The following ITGB3 variants were observed in gnomAD, a reference collection of about 807,000 sequenced individuals.
The protein encoded by ITGB3 is integrin beta-3.
Under a neutral mutation model 85.8 loss-of-function variants are expected in ITGB3, and 48 were observed. That is an observed-to-expected ratio of 0.56 (90% CI 0.44 to 0.71). The LOEUF is 0.71. ITGB3 is among the 30% of genes least tolerant of loss of function. The pLI is 0.00. For synonymous variants in ITGB3, 363 were observed against 395.6 expected, an observed-to-expected ratio of 0.92 and a Z score of 0.98; for missense variants, 861 against 1,019.1, an observed-to-expected ratio of 0.84 and a Z score of 2.11.
chr17:47,268,724 C>CA (rs1215067800), intron 1 of ITGB3, among the ~76,000 whole-genome samples: 1 of 152,208 alleles, frequency 6.6e-6, no homozygotes, highest in Non-Finnish European at 1.5e-5. Flanking sequence ...GTGGCTTTTC[C>CA]AGGCACATGG....
rs562902402 is a variant in ITGB3, at chr17:47,278,595, A to G, written c.165+4091A>G. Among the ~76,000 whole-genome samples the G allele has an allele frequency of 1.6e-3, 235 of 149,928 alleles. 1 individual carries two copies. The South Asian group carries it at 0.025, about 16-fold the overall frequency. ...CGAAACTCCATCTAAAAAAAAAAAA[A>G]GAGTCACTTATATTTGCATTTATTT... On this transcript the variant is annotated intron_variant, in intron 2 of 14. Coordinates refer to ENST00000559488, the MANE Select transcript of ITGB3 (RefSeq NM_000212.3).
intron 1 of ITGB3, among the ~76,000 whole-genome samples, chr17:47,273,824 C>T (rs2065053610): frequency 6.6e-6 from 1 of 152,228 alleles, no homozygotes; most frequent in Non-Finnish European, 1.5e-5. Context: ...TTCTGCACTT[C>T]CTCCTAGAGC....
At chr17:47,310,051 G>C (rs1473251008) in intron 14 of ITGB3, 88 bp from the exon 15 acceptor site, 16 of 1,173,020 alleles carry the variant, frequency 1.4e-5, no homozygotes, top group Non-Finnish European at 2.0e-5. Context: ...CGGTGCCTTG[G>C]GAAAACTTCT....
chr17:47,308,691 G>A (rs1385615069), intron 14 of ITGB3, among the ~76,000 whole-genome samples: 1 of 152,016 alleles, frequency 6.6e-6, no homozygotes, highest in Admixed American at 6.6e-5. Context: ...TAGTAGCGAC[G>A]GGGTTTCACC....
At position 47,299,476 on chromosome 17, in the gene ITGB3, A is replaced by G; in HGVS notation, c.1859A>G (p.Tyr620Cys). ...GSCVCIQPGS[Y>C]GDTCEKCPTC... ...TGTGTCTGTATCCAGCCGGGCTCCT[A>G]TGGGGACACCTGTGAGAAGTGCCCC... The change falls in exon 11 of 15, where the codon TAT becomes TGT. Residue 620 changes from tyrosine to cysteine, a missense_variant. Physicochemically the swap from Tyr to Cys is radical, Grantham distance 194 (BLOSUM62 -2). Transcript: ENST00000559488. The surrounding 1 kb of genome is among the most constrained non-coding windows in gnomAD (Gnocchi z 5.1). 2 of 1,614,210 alleles carry G rather than the reference A, an allele frequency of 1.2e-6. No homozygotes were observed. Among genetic ancestry groups the G allele is most frequent in the Non-Finnish European group, 1.7e-6 (2 of 1,180,036 alleles).
At chr17:47,265,439 A>G (rs373889168) in intron 1 of ITGB3, among the ~76,000 whole-genome samples, 24 of 152,078 alleles carry the variant, frequency 1.6e-4, no homozygotes, top group Non-Finnish European at 2.2e-4. Context: ...CCTCCTTCCT[A>G]TCTTCTGGTG....
chr17:47,264,787 C>T (rs1014997159), intron 1 of ITGB3, among the ~76,000 whole-genome samples: 11 of 152,210 alleles, frequency 7.2e-5, no homozygotes, highest in Non-Finnish European at 1.5e-4. Context: ...TCTTTAACAT[C>T]ATTTTGAAAT....
intron 1 of ITGB3, among the ~76,000 whole-genome samples, chr17:47,254,697 G>A (rs558478480): frequency 2.0e-5 from 3 of 151,448 alleles, no homozygotes; most frequent in East Asian, 1.9e-4. Flanking sequence ...TGCGCACACC[G>A]TCAGCCGTCA....
chr17:47,288,959 G>A (rs192391014), intron 6 of ITGB3, among the ~76,000 whole-genome samples: 2 of 152,332 alleles, frequency 1.3e-5, no homozygotes, highest in African/African-American at 4.8e-5. Context: ...CCTGAAGAAG[G>A]TGGGGGCTAA....
Position 47,299,603 on chromosome 17 carries a change from C to G in ITGB3, c.1913+73C>G, listed in dbSNP as rs539827767. The G allele has an allele frequency of 9.7e-5, 133 of 1,368,952 alleles. No individual in the cohort carries two copies. In the Middle Eastern group the frequency reaches 2.8e-3, roughly 29 times the overall value. The allele number at this position is 1,368,952 out of a possible 1,614,324, so 84.8% of individuals were successfully genotyped here. On this transcript the variant is annotated intron_variant, in intron 11 of 14. Coordinates refer to ENST00000559488, the MANE Select transcript of ITGB3 (RefSeq NM_000212.3). The surrounding 1 kb of genome is among the most constrained non-coding windows in gnomAD (Gnocchi z 5.1). ...GATCCCCTGACTAGAATCCCCAGCTCTCCAGGTGTGTTTCTTGCTCACCAG... is the reference window on the plus strand; with the variant it reads ...GATCCCCTGACTAGAATCCCCAGCTGTCCAGGTGTGTTTCTTGCTCACCAG...
chr17:47,293,075 A>AAATTCAGTTCTTCAGCTC (rs1465025718), intron 10 of ITGB3, among the ~76,000 whole-genome samples: 1 of 152,204 alleles, frequency 6.6e-6, no homozygotes, highest in East Asian at 1.9e-4. Flanking sequence ...GAAAAATTAA[A>AAATTCAGTTCTTCAGCTC]AATTCAGTTC....
chr17:47,293,738 G>A (rs11656809), intron 10 of ITGB3, among the ~76,000 whole-genome samples: 43,488 of 151,952 alleles, frequency 0.29, 6,374 homozygotes, highest in East Asian at 0.33. Flanking sequence ...CTCCCGAGTA[G>A]TTGGGACTAT....
chr17:47,297,613 C>T (rs1232434321), intron 10 of ITGB3, among the ~76,000 whole-genome samples: 5 of 151,572 alleles, frequency 3.3e-5, no homozygotes, highest in South Asian at 2.1e-4. Context: ...GTCAAGATGG[C>T]ACCACTGCAC....
intron 10 of ITGB3, among the ~76,000 whole-genome samples, chr17:47,297,560 G>T (rs2143125818): frequency 6.6e-6 from 1 of 152,174 alleles, no homozygotes; most frequent in African/African-American, 2.4e-5. Context: ...GGAGGCTGAG[G>T]CAGGAGAATC....
intron 2 of ITGB3, among the ~76,000 whole-genome samples, chr17:47,280,442 C>T (rs1011589073): frequency 8.5e-5 from 13 of 152,106 alleles, no homozygotes; most frequent in South Asian, 2.1e-4. Context: ...CTGCAACCTC[C>T]GCCTCCCTGG....
chr17:47,292,175 C>G lies in ITGB3; in HGVS notation c.1297C>G (p.Pro433Ala), dbSNP rs121918448. 4.2e-5 allele frequency: 67 copies of G among 1,614,154 alleles called. No homozygotes were observed. The highest frequency in any genetic ancestry group is 1.6e-4 in the Middle Eastern group (1 of 6,062). The change falls in exon 10 of 15, where the codon CCC becomes GCC. Residue 433 changes from proline (P) to alanine (A), a missense_variant. By Grantham distance (27) the Pro-to-Ala change is conservative (BLOSUM62 -1). Coordinates refer to ENST00000559488, the MANE Select transcript of ITGB3 (RefSeq NM_000212.3). Reference protein sequence around the residue: ...FSIEAKVRGCPQEKEKSFTIK... With the variant: ...FSIEAKVRGCAQEKEKSFTIK... ...CATTGAGGCCAAGGTGCGAGGCTGT[C>G]CCCAGGAGAAGGAGAAGTCCTTTAC...
intron 10 of ITGB3, among the ~76,000 whole-genome samples, chr17:47,297,150 ATCT>A (rs2143124958): frequency 6.6e-6 from 1 of 152,330 alleles, no homozygotes; most frequent in African/African-American, 2.4e-5. Flanking sequence ...AGTTAGAGAC[ATCT>A]TCTGGAAAGA....
chr17:47,304,440 A>G (rs2065179384), intron 13 of ITGB3, among the ~76,000 whole-genome samples: 1 of 152,230 alleles, frequency 6.6e-6, no homozygotes, highest in South Asian at 2.1e-4. Flanking sequence ...ATTTAACCAC[A>G]TGGAATGGGC....
chr17:47,264,593 C>T (rs1042112711), intron 1 of ITGB3, among the ~76,000 whole-genome samples: 1 of 152,192 alleles, frequency 6.6e-6, no homozygotes, highest in Non-Finnish European at 1.5e-5. Flanking sequence ...AAAAAAGCCA[C>T]ACTCTCTACC....
Sources: allele counts gnomAD v4.1 joint callset (sites outside exome capture counted in the v4.1 genomes callset), GRCh38; gene constraint gnomAD v4.1.1; non-coding constraint Gnocchi (gnomAD v3.1); transcripts MANE v1.5; gene names NCBI Gene and HGNC (gene_info 2026-07-23, HGNC 2026-07-21).